SNX11: variants seen among roughly 807,000 people sequenced by gnomAD.
The protein encoded by SNX11 is sorting nexin-11.
SNX11 carries 19 observed loss-of-function variants against 30.7 expected under a neutral mutation model. The ratio of observed to expected loss-of-function variants is 0.62; its 90% confidence interval spans 0.43 to 0.91. The LOEUF (loss-of-function observed/expected upper bound fraction) is 0.91. SNX11 is among the 40% of genes least tolerant of loss of function. The pLI is 0.00. For missense variants in SNX11, 302 were observed against 326.7 expected (o/e 0.92, Z 0.58); for synonymous variants, 112 against 119.0 (o/e 0.94, Z 0.38).
chr17:48,113,516 G>A, intron 4 of SNX11, 115 bp downstream of exon 4: 1 of 717,108 alleles, frequency 1.4e-6, no homozygotes. Flanking sequence ...AAGGAAATTG[G>A]GAAATATGTT....
intron 2 of SNX11, 91 bp downstream of exon 2, chr17:48,112,176 T>C: frequency 9.0e-7 from 1 of 1,114,808 alleles, no homozygotes; most frequent in South Asian, 1.2e-5. Flanking sequence ...TCATTAATTA[T>C]TACCTGCAGT....
chr17:48,113,336 TGTGCGGCGCCGCTACC>T lies in SNX11; in HGVS notation c.169_184del (p.Arg57SerfsTer5). The T allele has an allele frequency of 1.2e-6, 2 of 1,613,710 alleles. No individual in the cohort carries two copies. Among genetic ancestry groups the T allele is most frequent in the Non-Finnish European group, 1.7e-6 (2 of 1,179,794 alleles). ...AAGCCTTTACTGCCAAGACTTCCTG[TGTGCGGCGCCGCTACC>T]GTGAGTTCGTGTGGCTGAGAAAGCA... On this transcript the variant is annotated frameshift_variant, in exon 4 of 7. Transcript: ENST00000359238. LOFTEE classifies it high-confidence loss of function.
chr17:48,119,319 G>C, intron 6 of SNX11, 133 bp downstream of exon 6: 1 of 721,566 alleles, frequency 1.4e-6, no homozygotes, highest in South Asian at 1.8e-5. Context: ...CTTTGGGTGC[G>C]TGGCTTTCTA....
chr17:48,107,993 C>G (rs900182122), intron 1 of SNX11, 155 bp downstream of exon 1: 1 of 152,166 alleles, frequency 6.6e-6, no homozygotes, highest in Non-Finnish European at 1.5e-5. Flanking sequence ...AGGGCTTGCT[C>G]GGGATCCAAG....
At chr17:48,112,505 C>T (rs2063501537) in intron 2 of SNX11, 69 bp from the exon 3 acceptor site, 1 of 1,007,840 alleles carries the variant, frequency 9.9e-7, no homozygotes, top group Non-Finnish European at 1.5e-6. Flanking sequence ...GTGGAAAAAT[C>T]TAGCGACCTG....
intron 1 of SNX11, 47 bp from the exon 2 acceptor site, chr17:48,111,984 A>C: frequency 1.4e-6 from 2 of 1,460,564 alleles, no homozygotes; most frequent in Non-Finnish European, 1.9e-6. Context: ...GAATGATAAG[A>C]ACAGAGGCAT....
chr17:48,112,360 C>A, intron 2 of SNX11: 1 of 637,100 alleles, frequency 1.6e-6, no homozygotes. Flanking sequence ...ATGCTTTATC[C>A]CCAGTGCCTA....
Position 48,119,034 on chromosome 17 carries a change from G to A in SNX11, c.387G>A (p.Gln129=). 1 of 1,614,130 alleles carries A rather than the reference G, an allele frequency of 6.2e-7. No individual in the cohort carries two copies. The highest frequency in any genetic ancestry group is 8.5e-7 in the Non-Finnish European group (1 of 1,180,038). ...AGTTGCACCTATTCCTGCAAAGCCAGCTCTCGGTGCCTGAGATAGAAGCCT... is the reference window on the plus strand; with the variant it reads ...AGTTGCACCTATTCCTGCAAAGCCAACTCTCGGTGCCTGAGATAGAAGCCT... ...DSQLHLFLQS[Q]LSVPEIEACV... The change falls in exon 6 of 7, where the codon CAG becomes CAA. Residue 129 remains glutamine, a synonymous_variant. Coordinates refer to ENST00000359238, the MANE Select transcript of SNX11 (RefSeq NM_013323.3).
At chr17:48,111,041 A>G in intron 1 of SNX11, 1 of 965,740 alleles carries the variant, frequency 1.0e-6, no homozygotes, top group Non-Finnish European at 1.2e-6. Flanking sequence ...AATCTTTACA[A>G]AGGAGCAGAA....
At chr17:48,112,526 G>T in intron 2 of SNX11, 48 bp from the exon 3 acceptor site, 1 of 1,276,582 alleles carries the variant, frequency 7.8e-7, no homozygotes, top group Non-Finnish European at 1.1e-6. Context: ...TGTTGTCAGA[G>T]CTGCCTTGCT....
At chr17:48,112,386 C>T (rs1168784119) in intron 2 of SNX11, 188 bp from the exon 3 acceptor site, 11 of 656,788 alleles carry the variant, frequency 1.7e-5, no homozygotes, top group Middle Eastern at 4.3e-4. Flanking sequence ...GTGTCTGACA[C>T]GTAGTGGGGC....
At chr17:48,108,955 C>A (rs1041568238) in intron 1 of SNX11, among the ~76,000 whole-genome samples, 1 of 152,176 alleles carries the variant, frequency 6.6e-6, no homozygotes, top group African/African-American at 2.4e-5. Flanking sequence ...TTTTTTGAGA[C>A]AGGGTCTTGC....
Position 48,112,038 on chromosome 17 carries a change from C to A in SNX11, c.-6C>A, listed in dbSNP as rs368910906. ...TCCTCTGTCCCTCATCAGATGTTTC[C>A]TTCCAATGGGCTTTTGGTGTAGGAT... On this transcript the variant is annotated 5_prime_UTR_variant, in exon 2 of 7. Transcript: ENST00000359238. 6.2e-7 allele frequency: 1 copy of A among 1,612,670 alleles called. No homozygotes were observed. Among genetic ancestry groups the A allele is most frequent in the African/African-American group, 1.3e-5 (1 of 74,892 alleles).
chr17:48,117,044 T>A (rs2063552595), intron 4 of SNX11, among the ~76,000 whole-genome samples: 1 of 151,442 alleles, frequency 6.6e-6, no homozygotes, highest in South Asian at 2.1e-4. Flanking sequence ...ACTAATTTTC[T>A]TTTCTTTTCT....
chr17:48,118,657 C>A (rs1450333018), intron 4 of SNX11, 47 bp from the exon 5 acceptor site: 2 of 1,341,204 alleles, frequency 1.5e-6, no homozygotes, highest in Non-Finnish European at 1.1e-6. Context: ...GAATGACTAT[C>A]TTAGATGTTA....
At chr17:48,109,990 ATGAGCTCCACT>A (rs753694529) in intron 1 of SNX11, among the ~76,000 whole-genome samples, 21,277 of 97,660 alleles carry the variant, frequency 0.22, 2,054 homozygotes, top group Non-Finnish European at 0.31. Context: ...CAAAAGATGT[ATGAGCTCCACT>A]GAGTGGATGA....
At chr17:48,116,731 C>G (rs2063549285) in intron 4 of SNX11, among the ~76,000 whole-genome samples, 1 of 151,684 alleles carries the variant, frequency 6.6e-6, no homozygotes, top group Admixed American at 6.6e-5. Context: ...CCACGGCTGG[C>G]TAATTTTTGT....
At chr17:48,111,582 G>C (rs1598329799) in intron 1 of SNX11, among the ~76,000 whole-genome samples, 1 of 150,978 alleles carries the variant, frequency 6.6e-6, no homozygotes, top group Non-Finnish European at 1.5e-5. Context: ...AGGAGGCAGA[G>C]GTTGTGGTGA....
chr17:48,118,680 G>C, intron 4 of SNX11, 24 bp from the exon 5 acceptor site: 3 of 1,555,900 alleles, frequency 1.9e-6, no homozygotes, highest in Non-Finnish European at 2.7e-6. Flanking sequence ...CTTATCATGG[G>C]TGTTATATCA....
Sources: allele counts gnomAD v4.1 joint callset (sites outside exome capture counted in the v4.1 genomes callset), GRCh38; gene constraint gnomAD v4.1.1; transcripts MANE v1.5; gene names NCBI Gene and HGNC (gene_info 2026-07-23, HGNC 2026-07-21).